SUSD1: variants seen among roughly 807,000 people sequenced by gnomAD.
SUSD1 encodes the protein sushi domain-containing protein 1.
In SUSD1, 65 loss-of-function variants were observed where a neutral mutation model predicts 86.9. That is an observed-to-expected ratio of 0.75 (90% CI 0.61 to 0.92). The LOEUF is 0.92. Ranked by LOEUF, SUSD1 falls within the 40% of genes least tolerant of loss-of-function variation. The pLI is 0.00. For synonymous variants in SUSD1, 346 were observed against 350.0 expected (o/e 0.99, Z 0.13); for missense variants, 850 against 929.7 (o/e 0.91, Z 1.11).
At chr9:112,085,191 A>G (rs1219865587) in intron 10 of SUSD1, among the ~76,000 whole-genome samples, 1 of 152,240 alleles carries the variant, frequency 6.6e-6, no homozygotes, top group Non-Finnish European at 1.5e-5. Flanking sequence ...GCATTGACCC[A>G]GTGGAATATA....
At chr9:112,043,465 C>A (rs1002380256) in intron 15 of SUSD1, among the ~76,000 whole-genome samples, 8 of 152,140 alleles carry the variant, frequency 5.3e-5, no homozygotes, top group Non-Finnish European at 1.2e-4. Flanking sequence ...ACTGACCCCC[C>A]CATCCCCTAC....
intron 12 of SUSD1, among the ~76,000 whole-genome samples, chr9:112,066,081 G>A (rs554149861): frequency 2.0e-5 from 3 of 152,292 alleles, no homozygotes; most frequent in Non-Finnish European, 4.4e-5. Flanking sequence ...ACGGCCGGCC[G>A]AGCCAAGTGT....
In SUSD1 at chr9:112,151,611, A is replaced by G. The variant is rs111982786; in HGVS notation, c.218-2212T>C. Among the ~76,000 whole-genome samples, 1,277 of 150,772 alleles carry G rather than the reference A, an allele frequency of 8.5e-3. 5 individuals are homozygous for G. Among genetic ancestry groups the G allele is most frequent in the Non-Finnish European group, 0.014 (954 of 67,740 alleles). On this transcript the variant is annotated intron_variant, in intron 2 of 16. Coordinates refer to ENST00000374270, the MANE Select transcript of SUSD1 (RefSeq NM_022486.5). ...AATTCCATCTCAAAAAAAAAAAAGT[A>G]TCTTTCTTGGCCGGGCACAGTGGCT...
intron 5 of SUSD1, among the ~76,000 whole-genome samples, chr9:112,127,608 A>G (rs1447912682): frequency 6.6e-6 from 1 of 151,284 alleles, no homozygotes; most frequent in Admixed American, 6.9e-5. Flanking sequence ...ATTCCTGTCT[A>G]TTGAGTGCCT....
chr9:112,124,294 C>T lies in SUSD1; in HGVS notation c.849G>A (p.Glu283=). 1.2e-6 allele frequency: 2 copies of T among 1,614,016 alleles called. No individual in the cohort carries two copies. The highest frequency in any genetic ancestry group is 1.7e-6 in the Non-Finnish European group (2 of 1,179,900). ...AAGTACTTTCTCTCCAGGTGCCTTT[C>T]TCTGTGCAAACAGAAGTGATCTTTC... is the stretch of plus-strand genomic sequence containing the variant. The part of the protein sequence containing the change: ...PGGKITSVCT[E]KGTWRESTLT... The change falls in exon 6 of 17, where the codon GAG becomes GAA. Residue 283 remains glutamate (E), a synonymous_variant. Transcript: ENST00000374270.
chr9:112,061,703 T>C (rs1172056285), intron 13 of SUSD1, among the ~76,000 whole-genome samples: 1 of 152,218 alleles, frequency 6.6e-6, no homozygotes. Context: ...TCTTTGCACA[T>C]TTACTGAACT....
chr9:112,080,201 T>G, intron 10 of SUSD1, 36 bp from the exon 11 acceptor site: 1 of 1,489,538 alleles, frequency 6.7e-7, no homozygotes, highest in Non-Finnish European at 9.4e-7. Context: ...CAATTTACAC[T>G]CTATAGAAAA....
intron 6 of SUSD1, 83 bp downstream of exon 6, chr9:112,124,174 G>A (rs1366911886): frequency 7.2e-7 from 1 of 1,387,118 alleles, no homozygotes; most frequent in East Asian, 2.3e-5. Context: ...GTAGAGTGAA[G>A]CAGCAATCAG....
intron 6 of SUSD1, among the ~76,000 whole-genome samples, chr9:112,123,898 A>C (rs1044088299): frequency 4.6e-5 from 7 of 152,158 alleles, no homozygotes; most frequent in Admixed American, 6.5e-5. Flanking sequence ...ATTTTTCGTC[A>C]TACCACCTTT....
At chr9:112,165,949 GAAAGAAAGA>G (rs1248175957) in intron 1 of SUSD1, among the ~76,000 whole-genome samples, 1 of 142,328 alleles carries the variant, frequency 7.0e-6, no homozygotes. Context: ...AAAGAAGAAA[GAAAGAAAGA>G]AAGAAAGAAA....
intron 8 of SUSD1, among the ~76,000 whole-genome samples, chr9:112,106,322 G>C (rs896297467): frequency 7.2e-5 from 11 of 152,048 alleles, no homozygotes; most frequent in African/African-American, 2.4e-4. Context: ...TTCTTTCAAA[G>C]CTTCCAGTTC....
intron 9 of SUSD1, among the ~76,000 whole-genome samples, chr9:112,101,680 T>C (rs544035887): frequency 6.6e-6 from 1 of 151,538 alleles, no homozygotes; most frequent in Non-Finnish European, 1.5e-5. Context: ...ACCCCATCTC[T>C]ACTAAAAATA....
intron 15 of SUSD1, among the ~76,000 whole-genome samples, chr9:112,046,881 C>T (rs181115425): frequency 2.1e-4 from 32 of 152,286 alleles, no homozygotes; most frequent in African/African-American, 5.5e-4. Context: ...ATGCTTGATA[C>T]ATTAGCAACA....
chr9:112,163,196 C>A (rs1049976970), intron 1 of SUSD1, among the ~76,000 whole-genome samples: 6 of 152,056 alleles, frequency 3.9e-5, no homozygotes, highest in Admixed American at 3.3e-4. Context: ...GCCTCTGTCA[C>A]CCAGGCTGGA....
intron 2 of SUSD1, among the ~76,000 whole-genome samples, chr9:112,152,902 C>A (rs10981286): frequency 0.45 from 68,578 of 150,878 alleles, 16,281 homozygotes; most frequent in African/African-American, 0.6. Flanking sequence ...CCACAGGTAC[C>A]TGCCACCACA....
At chr9:112,168,584 C>T (rs1408765325) in intron 1 of SUSD1, among the ~76,000 whole-genome samples, 2 of 152,200 alleles carry the variant, frequency 1.3e-5, no homozygotes, top group Non-Finnish European at 2.9e-5. Flanking sequence ...CTTCAGTGTA[C>T]TTCTGAGACA....
intron 12 of SUSD1, among the ~76,000 whole-genome samples, chr9:112,076,409 C>A (rs1829513855): frequency 6.6e-6 from 1 of 152,104 alleles, no homozygotes; most frequent in Non-Finnish European, 1.5e-5. Context: ...GGGATAGAAC[C>A]AATTAGGACT....
At chr9:112,080,006 T>C (rs1829696438) in intron 11 of SUSD1, 68 bp downstream of exon 11, 1 of 1,091,206 alleles carries the variant, frequency 9.2e-7, no homozygotes, top group Non-Finnish European at 1.4e-6. Context: ...ATTTTTAGGT[T>C]TGTGGGTATT....
At chr9:112,138,244 T>TATATATATATATATATATGTATATACAC (rs1564328818) in intron 5 of SUSD1, among the ~76,000 whole-genome samples, 3 of 98,280 alleles carry the variant, frequency 3.1e-5, no homozygotes, top group African/African-American at 1.6e-4. Flanking sequence ...TGTGTATATA[T>TATATATATATATATATATGTATATACAC]ATATATATAT....
Sources: gnomAD v4.1 joint callset for allele counts (sites outside exome capture counted in the v4.1 genomes callset) on GRCh38, gnomAD v4.1.1 for gene constraint, MANE v1.5 for transcripts, NCBI Gene and HGNC (gene_info 2026-07-23, HGNC 2026-07-21) for gene names.